Variants in CPEB3 observed in about 807,000 individuals in gnomAD.
CPEB3 encodes cytoplasmic polyadenylation element binding protein 3, also known as cytoplasmic polyadenylation element-binding protein 3.
In CPEB3, 20 loss-of-function variants were observed where a neutral mutation model predicts 67.2. The observed-to-expected ratio is 0.30, with a 90% confidence interval of 0.21 to 0.43. The LOEUF (loss-of-function observed/expected upper bound fraction) is 0.43, where lower values mean the gene tolerates loss of function less well. CPEB3 is among the 20% of genes least tolerant of loss of function. The probability of loss-of-function intolerance (pLI) is 1.00; values close to 1 mark genes in which losing one functional copy is unlikely to be tolerated. For missense variants in CPEB3, 746 were observed against 968.6 expected, an observed-to-expected ratio of 0.77 and a Z score of 3.05; for synonymous variants, 376 against 393.1, an observed-to-expected ratio of 0.96 and a Z score of 0.51.
chr10:92,119,180 A>G, intron 6 of CPEB3: 5 of 1,582,544 alleles, frequency 3.2e-6, no homozygotes, highest in Non-Finnish European at 4.3e-6. Flanking sequence ...GGAGGTTCCC[A>G]GCATCATATT....
intron 2 of CPEB3, among the ~76,000 whole-genome samples, chr10:92,197,222 G>A (rs1251041413): frequency 6.6e-6 from 1 of 152,162 alleles, no homozygotes; most frequent in Non-Finnish European, 1.5e-5. Flanking sequence ...GCCTCTGAGA[G>A]TTCTCATTAA....
chr10:92,096,646 C>G (rs1268938550), intron 7 of CPEB3, among the ~76,000 whole-genome samples: 3 of 151,952 alleles, frequency 2.0e-5, no homozygotes, highest in Non-Finnish European at 4.4e-5. Context: ...AAAGGTGACT[C>G]TAAAAAAAGG....
intron 9 of CPEB3, among the ~76,000 whole-genome samples, chr10:92,057,672 C>T (rs1406306872): frequency 1.3e-5 from 2 of 152,344 alleles, no homozygotes; most frequent in East Asian, 1.9e-4. Context: ...GGCTTCAGGT[C>T]GGACACAGCA....
At chr10:92,251,909 C>A (rs559500060) in intron 1 of CPEB3, among the ~76,000 whole-genome samples, 2 of 151,176 alleles carry the variant, frequency 1.3e-5, no homozygotes, top group East Asian at 3.9e-4. Context: ...CCACTGCACT[C>A]CAGCCTGGGT....
At chr10:92,265,147 G>A (rs547067368) in intron 1 of CPEB3, among the ~76,000 whole-genome samples, 6 of 151,784 alleles carry the variant, frequency 4.0e-5, no homozygotes, top group South Asian at 2.1e-4. Context: ...GCAACACAGC[G>A]AGACTCCGCC....
intron 2 of CPEB3, among the ~76,000 whole-genome samples, chr10:92,225,003 T>A (rs1850898375): frequency 6.7e-6 from 1 of 148,482 alleles, no homozygotes; most frequent in South Asian, 2.1e-4. Flanking sequence ...TGAGGTGGAG[T>A]CACACTCTGT....
intron 4 of CPEB3, among the ~76,000 whole-genome samples, chr10:92,159,884 A>G (rs1381953178): frequency 2.0e-5 from 3 of 152,082 alleles, no homozygotes; most frequent in African/African-American, 7.2e-5. Flanking sequence ...AGGATTATCC[A>G]GCTCAAGCTC....
In CPEB3 at chr10:92,083,335, CA is replaced by C. The variant is rs1843233629; in HGVS notation, c.1688-1835del. ...GTCAGAATTACTAAGCCATATCAGCCAAGGGAGAATTGTCCGTTAAAGCCAA... is the reference window on the plus strand; with the variant it reads ...GTCAGAATTACTAAGCCATATCAGCCAGGGAGAATTGTCCGTTAAAGCCAA... On this transcript the variant is annotated intron_variant, in intron 8 of 9. Transcript: ENST00000265997. Among the ~76,000 whole-genome samples, 4 of 152,316 alleles carry C rather than the reference CA, an allele frequency of 2.6e-5. No individual in the cohort carries two copies. In the South Asian group the frequency reaches 8.3e-4, roughly 32 times the overall value.
intron 8 of CPEB3, among the ~76,000 whole-genome samples, chr10:92,082,362 A>G (rs1843189909): frequency 6.6e-6 from 1 of 152,020 alleles, no homozygotes; most frequent in South Asian, 2.1e-4. Flanking sequence ...TCAGCTCACT[A>G]CAACCTCCCC....
chr10:92,056,421 AC>A (rs1410351509), intron 9 of CPEB3, among the ~76,000 whole-genome samples: 1 of 152,186 alleles, frequency 6.6e-6, no homozygotes, highest in Non-Finnish European at 1.5e-5. Context: ...AGAAAAAAAT[AC>A]CTTTAGAAGA....
intron 9 of CPEB3, among the ~76,000 whole-genome samples, chr10:92,069,720 A>G (rs1468010266): frequency 6.6e-6 from 1 of 152,150 alleles, no homozygotes; most frequent in African/African-American, 2.4e-5. Flanking sequence ...TTCTTTAAAT[A>G]AAAAGTATTA....
chr10:92,211,045 A>C (rs976957307), intron 2 of CPEB3, among the ~76,000 whole-genome samples: 1 of 152,148 alleles, frequency 6.6e-6, no homozygotes, highest in Non-Finnish European at 1.5e-5. Flanking sequence ...GTGAGACTCC[A>C]TCTCAAAAAA....
intron 6 of CPEB3, chr10:92,137,625 G>A (rs894687114): frequency 2.2e-5 from 14 of 641,710 alleles, no homozygotes; most frequent in Non-Finnish European, 3.9e-5. Context: ...ATGAGGAGTG[G>A]AAACTGAGCA....
At chr10:92,064,776 G>T (rs1414258278) in intron 9 of CPEB3, among the ~76,000 whole-genome samples, 1 of 152,112 alleles carries the variant, frequency 6.6e-6, no homozygotes, top group Admixed American at 6.6e-5. Flanking sequence ...GCATTTCCAG[G>T]ATCAGAAGTA....
chr10:92,237,219 C>A (rs1851583963), intron 2 of CPEB3, among the ~76,000 whole-genome samples: 1 of 152,150 alleles, frequency 6.6e-6, no homozygotes, highest in African/African-American at 2.4e-5. Context: ...CTCCTCTGAT[C>A]CTAAAATTGC....
chr10:92,072,870 G>T (rs1166041213), intron 9 of CPEB3, among the ~76,000 whole-genome samples: 2 of 152,046 alleles, frequency 1.3e-5, no homozygotes, highest in Non-Finnish European at 2.9e-5. Context: ...GAAATGCTGA[G>T]AATTATGTGC....
intron 2 of CPEB3, among the ~76,000 whole-genome samples, chr10:92,194,808 G>A (rs1849152828): frequency 1.3e-5 from 2 of 152,168 alleles, no homozygotes; most frequent in South Asian, 2.1e-4. Context: ...TTGGGAGGCT[G>A]AGGCGGGCGG....
intron 2 of CPEB3, among the ~76,000 whole-genome samples, chr10:92,207,386 T>C (rs1242450944): frequency 6.6e-6 from 1 of 152,192 alleles, no homozygotes; most frequent in Non-Finnish European, 1.5e-5. Flanking sequence ...CTAGGAATAA[T>C]TCTCAACCTG....
chr10:92,148,285 T>A (rs1309925655), intron 4 of CPEB3, among the ~76,000 whole-genome samples: 1 of 152,164 alleles, frequency 6.6e-6, no homozygotes, highest in Non-Finnish European at 1.5e-5. Flanking sequence ...ACCTCCTTCG[T>A]ATTTTCGATT....
Sources: gnomAD v4.1 joint callset for allele counts (sites outside exome capture counted in the v4.1 genomes callset) on GRCh38, gnomAD v4.1.1 for gene constraint, MANE v1.5 for transcripts, NCBI Gene and HGNC (gene_info 2026-07-23, HGNC 2026-07-21) for gene names.